The following ABCG5 variants were observed in gnomAD, a reference collection of about 807,000 sequenced individuals.
ABCG5 encodes ATP-binding cassette sub-family G member 5.
A neutral mutation model predicts 64.5 loss-of-function variants in ABCG5; 64 were observed. That is an observed-to-expected ratio of 0.99 (90% CI 0.81 to 1.22). The LOEUF (loss-of-function observed/expected upper bound fraction) is 1.22, where lower values mean the gene tolerates loss of function less well. ABCG5 is among the 50% of genes most tolerant of loss of function. ABCG5 has a pLI of 0.00. For missense variants in ABCG5, 908 were observed against 829.5 expected (o/e 1.09, Z -1.16); for synonymous variants, 385 against 326.3 (o/e 1.18, Z -1.94).
chr2:43,832,079 G>A lies in ABCG5; in HGVS notation c.270C>T (p.Ser90=). The A allele has an allele frequency of 1.9e-6, 3 of 1,577,852 alleles. No homozygotes were observed. The highest frequency in any genetic ancestry group is 2.6e-6 in the Non-Finnish European group (3 of 1,162,324). The part of the protein sequence containing the change: ...QIMCILGSSG[S]GKTTLLDAMS... Reference sequence around the variant, plus strand: ...TGGCGTCCAGCAGCGTGGTTTTCCCGGAGCCTGCGGGGCGACAACAGAAGG... The same window carrying A: ...TGGCGTCCAGCAGCGTGGTTTTCCCAGAGCCTGCGGGGCGACAACAGAAGG... The change falls in exon 3 of 13, where the codon TCC becomes TCT. Residue 90 remains serine (S), a synonymous_variant. Coordinates refer to ENST00000405322, the MANE Select transcript of ABCG5 (RefSeq NM_022436.3).
chr2:43,837,035 G>GAA (rs148765563), intron 2 of ABCG5, among the ~76,000 whole-genome samples: 2 of 136,882 alleles, frequency 1.5e-5, no homozygotes, highest in African/African-American at 2.7e-5. Context: ...TCTCAAAAAA[G>GAA]AAAAAAAAAG....
chr2:43,815,895 G>GT (rs1001182039), intron 11 of ABCG5, among the ~76,000 whole-genome samples: 1 of 119,918 alleles, frequency 8.3e-6, no homozygotes, highest in African/African-American at 3.5e-5. Flanking sequence ...TGAGGGCAGA[G>GT]TAAGAACAGG....
intron 6 of ABCG5, among the ~76,000 whole-genome samples, chr2:43,825,913 A>G (rs1291959146): frequency 1.3e-5 from 2 of 152,092 alleles, no homozygotes; most frequent in Admixed American, 1.3e-4. Flanking sequence ...GAAAGAAGTG[A>G]GTTTTCATCC....
At chr2:43,831,703 A>G in intron 4 of ABCG5, 66 bp downstream of exon 4, 1 of 1,440,330 alleles carries the variant, frequency 6.9e-7, no homozygotes, top group Non-Finnish European at 9.5e-7. Context: ...GTAGGCGAAG[A>G]GAGGAGGGCA....
At chr2:43,825,110 AG>A (rs1667512879) in intron 6 of ABCG5, 92 bp from the exon 7 acceptor site, 1 of 1,503,556 alleles carries the variant, frequency 6.7e-7, no homozygotes, top group Admixed American at 1.9e-5. Context: ...GGCCAAGGTC[AG>A]GTATTCCTTA....
At chr2:43,838,859 C>G, upstream of ABCG5, 1 of 1,283,736 alleles carries the variant, frequency 7.8e-7, no homozygotes, top group Non-Finnish European at 1.1e-6. The surrounding 1 kb of genome is among the most constrained non-coding windows in gnomAD (Gnocchi z 4.2). Flanking sequence ...TTAGCCAGCG[C>G]GTCCTTATCT....
intron 4 of ABCG5, among the ~76,000 whole-genome samples, chr2:43,831,117 T>C (rs527956385): frequency 6.6e-6 from 1 of 152,304 alleles, no homozygotes; most frequent in Non-Finnish European, 1.5e-5. Flanking sequence ...TAATAACATA[T>C]TATTTACAGC....
At position 43,826,494 on chromosome 2, in the gene ABCG5, G is replaced by A; in HGVS notation, c.662C>T (p.Thr221Ile). Residue 221 changes from threonine to isoleucine, a missense_variant, in exon 6 of 13, where the codon ACA (threonine) becomes ATA (isoleucine). Coordinates refer to ENST00000405322, the MANE Select transcript of ABCG5 (RefSeq NM_022436.3). ...ATTAGCAGTCATGCAGTCCAGGCCT[G>A]TGGTTGGCTCATCAAACAGCATGAC... ...PKVMLFDEPT[T>I]GLDCMTANQI... 6.2e-7 allele frequency: 1 copy of A among 1,614,204 alleles called. No homozygotes were observed. Among genetic ancestry groups the A allele is most frequent in the Non-Finnish European group, 8.5e-7 (1 of 1,180,040 alleles).
chr2:43,830,621 A>T, intron 4 of ABCG5, among the ~76,000 whole-genome samples: 1 of 152,220 alleles, frequency 6.6e-6, no homozygotes, highest in Admixed American at 6.5e-5. Context: ...TCAGGATTTT[A>T]CACGCTGTGG....
chr2:43,819,824 G>A (rs1476247502), intron 11 of ABCG5, 91 bp downstream of exon 11: 4 of 1,389,384 alleles, frequency 2.9e-6, no homozygotes, highest in South Asian at 1.2e-5. Context: ...ACCACTATCA[G>A]TTCTCTGGTA....
At chr2:43,814,625 GCTCTGGCAATAGTC>G (rs776188540) in intron 11 of ABCG5, 36 bp from the exon 12 acceptor site, 1 of 1,276,154 alleles carries the variant, frequency 7.8e-7, no homozygotes, top group Non-Finnish European at 1.1e-6. Flanking sequence ...AATTCAGTAG[GCTCTGGCAATAGTC>G]CTACCAAATG....
chr2:43,823,820 A>G, intron 9 of ABCG5, 93 bp downstream of exon 9: 1 of 1,448,474 alleles, frequency 6.9e-7, no homozygotes, highest in Non-Finnish European at 9.4e-7. Flanking sequence ...CTCAGAGAAA[A>G]ACCCTTATAA....
At chr2:43,829,281 A>G (rs971627589) in intron 4 of ABCG5, among the ~76,000 whole-genome samples, 2 of 152,246 alleles carry the variant, frequency 1.3e-5, no homozygotes, top group Non-Finnish European at 2.9e-5. Flanking sequence ...CTGGGGTCCC[A>G]TGTGGTACAA....
intron 11 of ABCG5, among the ~76,000 whole-genome samples, chr2:43,815,464 G>A (rs561465773): frequency 6.6e-6 from 1 of 152,282 alleles, no homozygotes; most frequent in African/African-American, 2.4e-5. Context: ...AAAAAAATGT[G>A]TACCACACAT....
intron 4 of ABCG5, chr2:43,828,360 G>A (rs1667750048): frequency 1.9e-6 from 1 of 528,512 alleles, no homozygotes; most frequent in South Asian, 2.0e-5. Context: ...CAGAGGCTGG[G>A]TGCAGTGGCT....
At chr2:43,815,421 T>C (rs17031663) in intron 11 of ABCG5, among the ~76,000 whole-genome samples, 3,298 of 152,308 alleles carry the variant, frequency 0.022, 83 homozygotes, top group African/African-American at 0.062. Context: ...TATAAAAATA[T>C]ACAGTAGTGA....
At chr2:43,835,156 G>C (rs1668184251) in intron 2 of ABCG5, among the ~76,000 whole-genome samples, 1 of 152,126 alleles carries the variant, frequency 6.6e-6, no homozygotes, top group African/African-American at 2.4e-5. Context: ...CCGTAATTAG[G>C]CATCTCATCA....
intron 5 of ABCG5, among the ~76,000 whole-genome samples, chr2:43,827,296 G>C (rs894105310): frequency 6.7e-6 from 1 of 149,230 alleles, no homozygotes; most frequent in Non-Finnish European, 1.5e-5. Context: ...CTGCACTCCA[G>C]CCTGGGCAAC....
At chr2:43,824,799 A>C in intron 7 of ABCG5, 90 bp downstream of exon 7, 1 of 1,570,514 alleles carries the variant, frequency 6.4e-7, no homozygotes, top group Non-Finnish European at 8.7e-7. Flanking sequence ...GCAAAAATCA[A>C]ATCCACTAGA....
Sources: gnomAD v4.1 joint callset for allele counts (sites outside exome capture counted in the v4.1 genomes callset) on GRCh38, gnomAD v4.1.1 for gene constraint, Gnocchi (gnomAD v3.1) non-coding constraint, MANE v1.5 for transcripts, NCBI Gene and HGNC (gene_info 2026-07-23, HGNC 2026-07-21) for gene names.